The following CPT1A variants were observed in gnomAD, a reference collection of about 807,000 sequenced individuals.
CPT1A encodes carnitine O-palmitoyltransferase 1, liver isoform.
A neutral mutation model predicts 100.8 loss-of-function variants in CPT1A; 64 were observed. The ratio of observed to expected loss-of-function variants is 0.63; its 90% CI spans 0.52 to 0.78. The LOEUF (loss-of-function observed/expected upper bound fraction) is 0.78, where lower values mean the gene tolerates loss of function less well. Ranked by LOEUF, CPT1A falls within the 30% of genes least tolerant of loss-of-function variation. CPT1A has a pLI of 0.00. For missense variants in CPT1A, 802 were observed against 1,034.1 expected (o/e 0.78, Z 3.08); for synonymous variants, 363 against 396.0 (o/e 0.92, Z 0.99).
In CPT1A at chr11:68,757,224, TAACAA is replaced by T; in HGVS notation, c.*415_*419del. On this transcript the variant is annotated 3_prime_UTR_variant, in exon 19 of 19. Coordinates refer to ENST00000265641, the MANE Select transcript of CPT1A (RefSeq NM_001876.4). Reference sequence around the variant, plus strand: ...CAACTTGAATAACACATTTTTCTTTTAACAAAACAAAAGTTTACCCTGCTTGGATG... The same window carrying T: ...CAACTTGAATAACACATTTTTCTTTTAACAAAAGTTTACCCTGCTTGGATG... 1 of 937,808 alleles carries T rather than the reference TAACAA, an allele frequency of 1.1e-6. No homozygotes were observed. The highest frequency in any genetic ancestry group is 1.3e-6 in the Non-Finnish European group (1 of 762,634). 58.1% of individuals were successfully genotyped at this position (937,808 alleles called of 1,614,324 possible). A position where few individuals can be genotyped will look rare whatever the true frequency, so the allele number is the denominator to read the frequency against.
intron 8 of CPT1A, among the ~76,000 whole-genome samples, chr11:68,794,559 T>G (rs1237491566): frequency 2.6e-5 from 4 of 152,172 alleles, no homozygotes; most frequent in Admixed American, 6.5e-5. Context: ...TACAGGCGCG[T>G]GCCAGCACGC....
chr11:68,778,690 C>T (rs954753785), intron 12 of CPT1A, among the ~76,000 whole-genome samples: 2 of 150,314 alleles, frequency 1.3e-5, no homozygotes, highest in Non-Finnish European at 3.0e-5. Flanking sequence ...AACAAGACGC[C>T]ATCTCAAAAA....
rs1555235307 is a variant in CPT1A, at chr11:68,838,573, A to AAAAAAAAAAC, written c.-14+3201_-14+3202insGTTTTTTTTT. ...CTCTACTCTGTATCTGCACCTTTTTAAAAAAAAAAAAAAAAAAACAGAGAC... is the reference window on the plus strand; with the variant it reads ...CTCTACTCTGTATCTGCACCTTTTTAAAAAAAAAACAAAAAAAAAAAAAAAAAACAGAGAC... On this transcript the variant is annotated intron_variant, in intron 1 of 18. Coordinates refer to ENST00000265641, the MANE Select transcript of CPT1A (RefSeq NM_001876.4). Among the ~76,000 whole-genome samples, 235 of 112,864 alleles carry AAAAAAAAAAC rather than the reference A, an allele frequency of 2.1e-3. 12 individuals are homozygous for AAAAAAAAAAC. The highest frequency in any genetic ancestry group is 3.1e-3 in the Non-Finnish European group (184 of 59,692). 74.0% of individuals were successfully genotyped at this position (112,864 alleles called of 152,430 possible).
intron 15 of CPT1A, 98 bp from the exon 16 acceptor site, chr11:68,761,785 AT>A: frequency 7.0e-7 from 1 of 1,437,450 alleles, no homozygotes; most frequent in Non-Finnish European, 9.8e-7. Context: ...ATTTTTTGTT[AT>A]TTTTAGTAGA....
chr11:68,779,886 T>C (rs1423512111), intron 12 of CPT1A, among the ~76,000 whole-genome samples: 2 of 152,126 alleles, frequency 1.3e-5, no homozygotes, highest in Admixed American at 6.6e-5. Context: ...CTGGTAATTT[T>C]AAGAATTAAA....
intron 6 of CPT1A, among the ~76,000 whole-genome samples, chr11:68,798,252 A>G (rs1398807017): frequency 6.6e-6 from 1 of 152,212 alleles, no homozygotes; most frequent in Non-Finnish European, 1.5e-5. Flanking sequence ...ACGTACCTAC[A>G]GAACAGTGCC....
chr11:68,761,795 G>T, intron 15 of CPT1A, 108 bp from the exon 16 acceptor site: 1 of 1,343,648 alleles, frequency 7.4e-7, no homozygotes, highest in Non-Finnish European at 1.1e-6. Context: ...ATTTTTAGTA[G>T]AGACGGGGTT....
upstream of CPT1A, among the ~76,000 whole-genome samples, chr11:68,843,676 G>A (rs748268350): frequency 2.0e-5 from 3 of 152,198 alleles, no homozygotes; most frequent in Admixed American, 1.3e-4. This position sits in a 1 kb window ranked among gnomAD's most constrained non-coding sequence, Gnocchi z 4.0. Flanking sequence ...TTAGAAGTTG[G>A]GGGTTTGTCC....
In CPT1A at chr11:68,841,810, AGCGGCG is replaced by A. The variant is rs891856679; in HGVS notation, c.-55_-50del. ...ACGGAGGTGCGGCAGCGGCAGCGGC[AGCGGCG>A]GCGGCGGCGGCGGCGGTGGAGTGAA... On this transcript the variant is annotated 5_prime_UTR_variant, in exon 1 of 19. Coordinates refer to ENST00000265641, the MANE Select transcript of CPT1A (RefSeq NM_001876.4). The surrounding 1 kb of genome is among the most constrained non-coding windows in gnomAD (Gnocchi z 6.3). 23 of 993,422 alleles carry A rather than the reference AGCGGCG, an allele frequency of 2.3e-5. No individual in the cohort carries two copies. The highest frequency in any genetic ancestry group is 2.2e-4 in the South Asian group (5 of 22,532). 61.5% of individuals were successfully genotyped at this position (993,422 alleles called of 1,614,324 possible).
chr11:68,783,531 C>T (rs1855372673), intron 10 of CPT1A, among the ~76,000 whole-genome samples: 1 of 152,216 alleles, frequency 6.6e-6, no homozygotes, highest in East Asian at 1.9e-4. Context: ...CAGAACCTCT[C>T]CTGATCTTTG....
At chr11:68,805,225 T>C (rs1385374011) in intron 4 of CPT1A, among the ~76,000 whole-genome samples, 1 of 151,716 alleles carries the variant, frequency 6.6e-6, no homozygotes, top group Non-Finnish European at 1.5e-5. Flanking sequence ...CCGAGGAGGG[T>C]GGATCGTTTG....
Position 68,759,578 on chromosome 11 carries a change from G to T in CPT1A, c.2226C>A (p.Cys742Ter), listed in dbSNP as rs891484688. 6 of 1,608,596 alleles carry T rather than the reference G, an allele frequency of 3.7e-6. No homozygotes were observed. The highest frequency in any genetic ancestry group is 5.1e-6 in the Non-Finnish European group (6 of 1,175,112). ...INFHISSKFS[C>*]PETDSHRFGR... ...TTCTTTTCATACATACCGTCTCAGG[G>T]CAAGAGAACTTGGAAGAAATGTGGA... The change falls in exon 18 of 19, where the codon TGC becomes TGA. Residue 742 changes from cysteine to a stop codon, truncating the protein, a stop_gained. Coordinates refer to ENST00000265641, the MANE Select transcript of CPT1A (RefSeq NM_001876.4). LOFTEE classifies it low-confidence loss of function (END_TRUNC).
At chr11:68,801,598 C>G (rs1392815240) in intron 5 of CPT1A, among the ~76,000 whole-genome samples, 1 of 149,326 alleles carries the variant, frequency 6.7e-6, no homozygotes, top group Admixed American at 6.6e-5. Context: ...CCACTGCACC[C>G]TAGCCTGGGT....
chr11:68,767,198 A>C (rs1854832881), intron 14 of CPT1A, among the ~76,000 whole-genome samples: 1 of 152,234 alleles, frequency 6.6e-6, no homozygotes, highest in African/African-American at 2.4e-5. Context: ...GAAAACAAAA[A>C]CATTGAAGGG....
chr11:68,759,748 C>A, intron 17 of CPT1A, 87 bp from the exon 18 acceptor site: 1 of 1,002,472 alleles, frequency 1.0e-6, no homozygotes, highest in Non-Finnish European at 1.6e-6. Context: ...GCAACACTGG[C>A]GGGGCTCGGT....
chr11:68,769,443 G>A (rs747852138), intron 14 of CPT1A, among the ~76,000 whole-genome samples: 2 of 145,874 alleles, frequency 1.4e-5, no homozygotes, highest in Non-Finnish European at 3.0e-5. Context: ...TACAGATAGA[G>A]TCTCCCCATA....
intron 1 of CPT1A, among the ~76,000 whole-genome samples, chr11:68,829,098 C>T (rs577818394): frequency 6.6e-6 from 1 of 152,310 alleles, no homozygotes; most frequent in South Asian, 2.1e-4. Flanking sequence ...CAGGGTTTCT[C>T]TTACTGAGAA....
At chr11:68,778,607 A>G (rs909533531) in intron 12 of CPT1A, among the ~76,000 whole-genome samples, 1 of 151,542 alleles carries the variant, frequency 6.6e-6, no homozygotes, top group Non-Finnish European at 1.5e-5. Flanking sequence ...GAGGCAGGAG[A>G]ATCACTTGAA....
At chr11:68,804,212 G>A (rs1855982893) in intron 4 of CPT1A, 111 bp from the exon 5 acceptor site, 4 of 791,656 alleles carry the variant, frequency 5.1e-6, no homozygotes, top group Admixed American at 2.0e-5. Flanking sequence ...GTACTTGGAT[G>A]GGAGAATGAC....
Sources: allele counts gnomAD v4.1 joint callset (sites outside exome capture counted in the v4.1 genomes callset), GRCh38; gene constraint gnomAD v4.1.1; non-coding constraint Gnocchi (gnomAD v3.1); transcripts MANE v1.5; gene names NCBI Gene and HGNC (gene_info 2026-07-23, HGNC 2026-07-21).